EML5: variants seen among roughly 807,000 people sequenced by gnomAD.
EML5 encodes echinoderm microtubule-associated protein-like 5.
Under a neutral mutation model 250.0 loss-of-function variants are expected in EML5, and 120 were observed. The ratio of observed to expected loss-of-function variants is 0.48; its 90% CI spans 0.41 to 0.56. The LOEUF is 0.56. Among genes scored for constraint, EML5 ranks in the 20% least tolerant of loss-of-function variants. The pLI, the probability that EML5 is intolerant of heterozygous loss-of-function variation, is 0.00. For synonymous variants in EML5, 771 were observed against 806.5 expected (o/e 0.96, Z 0.75); for missense variants, 2,006 against 2,437.6 (o/e 0.82, Z 3.73).
At chr14:88,732,834 A>G (rs1327856917) in intron 7 of EML5, among the ~76,000 whole-genome samples, 2 of 152,164 alleles carry the variant, frequency 1.3e-5, no homozygotes, top group African/African-American at 4.8e-5. Context: ...TTCTTTTGAG[A>G]CGGAGTCTGG....
chr14:88,734,400 G>A (rs1029281599), intron 7 of EML5, among the ~76,000 whole-genome samples: 33 of 151,912 alleles, frequency 2.2e-4, no homozygotes, highest in Admixed American at 7.9e-4. Flanking sequence ...ATTCTCAACG[G>A]GGGCAATATT....
chr14:88,782,965 G>C (rs993288695), intron 1 of EML5, among the ~76,000 whole-genome samples: 1 of 152,108 alleles, frequency 6.6e-6, no homozygotes, highest in Non-Finnish European at 1.5e-5. Context: ...TGTAGTCCCA[G>C]CTACTCAGGA....
At chr14:88,674,984 T>C (rs1470327875) in intron 21 of EML5, among the ~76,000 whole-genome samples, 2 of 152,196 alleles carry the variant, frequency 1.3e-5, no homozygotes, top group East Asian at 3.9e-4. Context: ...GCCACACTGA[T>C]GCAAGAGGTG....
chr14:88,759,542 G>C (rs539053536), intron 1 of EML5, among the ~76,000 whole-genome samples: 2 of 151,950 alleles, frequency 1.3e-5, no homozygotes, highest in African/African-American at 4.8e-5. Flanking sequence ...CAACTAGCCA[G>C]GTGTGATGGT....
chr14:88,740,624 G>C (rs2093911059), intron 4 of EML5, 52 bp from the exon 5 acceptor site: 1 of 1,448,188 alleles, frequency 6.9e-7, no homozygotes, highest in East Asian at 2.3e-5. Context: ...ATAAAATAAA[G>C]TAAAACATTC....
At chr14:88,705,029 G>C (rs2093290296) in intron 12 of EML5, 51 bp from the exon 13 acceptor site, 1 of 1,269,012 alleles carries the variant, frequency 7.9e-7, no homozygotes, top group Non-Finnish European at 1.1e-6. Context: ...TACTAATAAA[G>C]GTGTTCGTAT....
intron 21 of EML5, among the ~76,000 whole-genome samples, chr14:88,666,411 A>G (rs966488217): frequency 1.3e-5 from 2 of 152,038 alleles, no homozygotes; most frequent in African/African-American, 4.8e-5. Flanking sequence ...TTTTTAGTAG[A>G]GATGGGGTTT....
intron 1 of EML5, among the ~76,000 whole-genome samples, chr14:88,765,300 G>T (rs185649795): frequency 1.1e-4 from 16 of 152,264 alleles, no homozygotes; most frequent in African/African-American, 3.4e-4. Context: ...GGATGAGTCA[G>T]CTTCCAAGTT....
At chr14:88,650,071 G>A in intron 27 of EML5, 145 bp from the exon 28 acceptor site, 6 of 508,056 alleles carry the variant, frequency 1.2e-5, no homozygotes, top group East Asian at 3.4e-5. Context: ...ATGTCACATT[G>A]GTTTAAACAT....
chr14:88,749,737 T>A (rs775181206), intron 2 of EML5, among the ~76,000 whole-genome samples: 15 of 152,166 alleles, frequency 9.9e-5, no homozygotes, highest in East Asian at 1.9e-4. Context: ...CAATAAATTT[T>A]AAAAAATTAA....
intron 36 of EML5, 84 bp downstream of exon 36, chr14:88,624,886 C>T: frequency 6.7e-7 from 1 of 1,499,432 alleles, no homozygotes; most frequent in Non-Finnish European, 9.0e-7. Flanking sequence ...CTCTGTGTAG[C>T]CTAGAAACAA....
chr14:88,730,131 A>T (rs1453033245), intron 7 of EML5, among the ~76,000 whole-genome samples: 1 of 152,132 alleles, frequency 6.6e-6, no homozygotes, highest in Admixed American at 6.6e-5. Context: ...AGAATGTTAC[A>T]TTTTTAAGGC....
rs2092279743 is a variant in EML5, at chr14:88,665,509, T to C, written c.3125-20A>G. 1 of 1,612,830 alleles carries C rather than the reference T, an allele frequency of 6.2e-7. No individual in the cohort carries two copies. Among genetic ancestry groups the C allele is most frequent in the Admixed American group, 1.7e-5 (1 of 59,734 alleles). ...TCCCACCTGAAAGAGAAAGAGCATA[T>C]TAGGCAATTTTCCCTTTTTTCTAAT... On this transcript the variant is annotated intron_variant, in intron 21 of 43. Coordinates refer to ENST00000554922, the MANE Select transcript of EML5 (RefSeq NM_183387.3).
intron 21 of EML5, among the ~76,000 whole-genome samples, chr14:88,681,041 T>C (rs1031813878): frequency 3.9e-5 from 6 of 152,256 alleles, no homozygotes; most frequent in South Asian, 2.1e-4. Context: ...AGATTAAAGA[T>C]AGAAAAGAGT....
In EML5 at chr14:88,612,974, A is replaced by T. The variant is rs976161905; in HGVS notation, c.*2844T>A. 6 of 127,348 alleles carry T rather than the reference A, an allele frequency of 4.7e-5. No individual in the cohort carries two copies. The highest frequency in any genetic ancestry group is 1.8e-4 in the African/African-American group (6 of 34,134). The allele number at this position is 127,348 out of a possible 1,614,324, so 7.9% of individuals were successfully genotyped here. A position where few individuals can be genotyped will look rare whatever the true frequency, so the allele number is the denominator to read the frequency against. On this transcript the variant is annotated 3_prime_UTR_variant, in exon 44 of 44. Coordinates refer to ENST00000554922, the MANE Select transcript of EML5 (RefSeq NM_183387.3). ...TGCAACATTCTCAGGACCAAATTAA[A>T]CTGCTAAAAAAAAAAAAAAAGTTCA...
intron 7 of EML5, among the ~76,000 whole-genome samples, 181 bp from the exon 8 acceptor site, chr14:88,726,859 A>G (rs1038632529): frequency 1.5e-4 from 23 of 152,126 alleles, no homozygotes; most frequent in African/African-American, 5.6e-4. Context: ...ACAGAAGTTG[A>G]TAGAATCTTT....
chr14:88,790,298 A>C (rs1394133646), intron 1 of EML5, among the ~76,000 whole-genome samples: 1 of 152,214 alleles, frequency 6.6e-6, no homozygotes, highest in African/African-American at 2.4e-5. Context: ...TTATACATTA[A>C]AGATGTGTCA....
intron 32 of EML5, among the ~76,000 whole-genome samples, chr14:88,638,270 G>A (rs1306085063): frequency 6.6e-6 from 1 of 152,100 alleles, no homozygotes; most frequent in Non-Finnish European, 1.5e-5. Flanking sequence ...TTTTCACAGA[G>A]GTAAAAGAAT....
At chr14:88,693,826 C>T (rs931525415) in intron 17 of EML5, among the ~76,000 whole-genome samples, 2 of 125,918 alleles carry the variant, frequency 1.6e-5, no homozygotes, top group Non-Finnish European at 3.1e-5. Context: ...GGCTGCAGTG[C>T]AGTGGGAGAT....
Sources: allele counts gnomAD v4.1 joint callset (sites outside exome capture counted in the v4.1 genomes callset), GRCh38; gene constraint gnomAD v4.1.1; transcripts MANE v1.5; gene names NCBI Gene and HGNC (gene_info 2026-07-23, HGNC 2026-07-21).